Variants in SNTG1 observed in about 807,000 individuals in gnomAD.
SNTG1 encodes the protein syntrophin gamma 1, also known as gamma-1-syntrophin.
Under a neutral mutation model 74.7 loss-of-function variants are expected in SNTG1, and 39 were observed. The ratio of observed to expected loss-of-function variants is 0.52; its 90% CI spans 0.40 to 0.68. The LOEUF is 0.68. SNTG1 is among the 30% of genes least tolerant of loss of function. SNTG1 has a pLI of 0.00. For missense variants in SNTG1, 685 were observed against 609.5 expected (o/e 1.12, Z -1.30); for synonymous variants, 254 against 217.1 (o/e 1.17, Z -1.49).
chr8:50,514,069 T>C (rs2094110654), intron 9 of SNTG1, among the ~76,000 whole-genome samples: 1 of 152,226 alleles, frequency 6.6e-6, no homozygotes, highest in Admixed American at 6.5e-5. Context: ...CCTGCAATAT[T>C]TCACTTTTAA....
Position 50,536,713 on chromosome 8 carries a change from A to T in SNTG1, c.585A>T (p.Pro195=). 1 of 1,613,948 alleles carries T rather than the reference A, an allele frequency of 6.2e-7. No individual in the cohort carries two copies. The highest frequency in any genetic ancestry group is 1.7e-5 in the Admixed American group (1 of 59,994). ...TLSCSSWPTS[P]GLRWEKRWCD... is the part of the protein sequence containing the mutation. ...CATGCTCGTCGTGGCCGACGTCTCC[A>T]GGCTTGAGGTGGGAGAAGCGATGGT... The change falls in exon 11 of 19, where the codon CCA becomes CCT. Residue 195 remains proline (P), a synonymous_variant. Transcript: ENST00000642720.
intron 1 of SNTG1, among the ~76,000 whole-genome samples, chr8:50,005,780 G>C (rs1391257830): frequency 6.6e-6 from 1 of 151,664 alleles, no homozygotes; most frequent in African/African-American, 2.4e-5. Flanking sequence ...ACTGTAAAAG[G>C]TCCCCTAGGC....
At chr8:50,506,020 T>C (rs1299343315) in intron 9 of SNTG1, among the ~76,000 whole-genome samples, 1 of 152,078 alleles carries the variant, frequency 6.6e-6, no homozygotes, top group East Asian at 1.9e-4. Flanking sequence ...GTTGAGTCAA[T>C]TTTTATACAT....
chr8:50,653,057 T>G (rs1004548213), intron 13 of SNTG1, among the ~76,000 whole-genome samples: 31 of 152,030 alleles, frequency 2.0e-4, no homozygotes, highest in Admixed American at 3.9e-4. Context: ...CTTTTATGTC[T>G]TAGATAAACC....
intron 2 of SNTG1, among the ~76,000 whole-genome samples, chr8:50,330,105 C>T (rs2090905759): frequency 1.3e-5 from 2 of 152,072 alleles, no homozygotes; most frequent in Admixed American, 1.3e-4. Flanking sequence ...TCCCATAATC[C>T]CCAAATGTGG....
At chr8:50,071,834 G>T (rs889016817) in intron 1 of SNTG1, among the ~76,000 whole-genome samples, 1 of 148,448 alleles carries the variant, frequency 6.7e-6, no homozygotes, top group Non-Finnish European at 1.5e-5. Context: ...AAAAACCTAA[G>T]ATTAATTATG....
chr8:50,292,778 T>A (rs983362852), intron 2 of SNTG1, among the ~76,000 whole-genome samples: 8 of 152,170 alleles, frequency 5.3e-5, no homozygotes, highest in African/African-American at 1.9e-4. Flanking sequence ...AGAACTGGGA[T>A]GTATATTTTA....
At chr8:50,660,313 CAGTA>C (rs1341552384) in intron 15 of SNTG1, among the ~76,000 whole-genome samples, 2 of 111,556 alleles carry the variant, frequency 1.8e-5, no homozygotes, top group East Asian at 2.5e-4. Context: ...GAAAGAGAGA[CAGTA>C]AGAAGGAAAG....
intron 12 of SNTG1, among the ~76,000 whole-genome samples, chr8:50,557,811 A>G (rs1288898394): frequency 6.6e-6 from 1 of 152,180 alleles, no homozygotes; most frequent in Non-Finnish European, 1.5e-5. Context: ...GAACAACATG[A>G]TTAGATTTAG....
chr8:50,208,653 G>C (rs2084362246), intron 2 of SNTG1, among the ~76,000 whole-genome samples: 1 of 152,162 alleles, frequency 6.6e-6, no homozygotes, highest in Admixed American at 6.5e-5. Context: ...TTTCTTCCTA[G>C]CCTTGATGGT....
intron 1 of SNTG1, among the ~76,000 whole-genome samples, chr8:50,155,352 A>G (rs1586514742): frequency 1.3e-5 from 2 of 152,290 alleles, no homozygotes; most frequent in South Asian, 2.1e-4. Context: ...CTGGTAGTAG[A>G]ACAATTTGAT....
chr8:50,508,815 TA>T (rs2094035109), intron 9 of SNTG1, among the ~76,000 whole-genome samples: 1 of 152,206 alleles, frequency 6.6e-6, no homozygotes. Flanking sequence ...AGATTCTGGA[TA>T]TTAGCCCTTT....
rs560877422 is a variant in SNTG1, at chr8:50,372,216, C to G, written c.-27-21996C>G. Among the ~76,000 whole-genome samples, 657 of 149,060 alleles carry G rather than the reference C, an allele frequency of 4.4e-3. 5 individuals carry two copies. The highest frequency in any genetic ancestry group is 7.9e-3 in the Non-Finnish European group (530 of 66,964). The stretch of plus-strand genomic sequence containing the variant: ...TCATTTGTGTTTCATTGATCTTTCT[C>G]TGTGTGTGTGTGTGTGTGGTGGCAT... On this transcript the variant is annotated intron_variant, in intron 2 of 18. Coordinates refer to ENST00000642720, the MANE Select transcript of SNTG1 (RefSeq NM_018967.5).
intron 1 of SNTG1, among the ~76,000 whole-genome samples, chr8:49,991,813 T>C (rs1373588615): frequency 2.0e-5 from 3 of 152,072 alleles, no homozygotes; most frequent in Non-Finnish European, 4.4e-5. Flanking sequence ...TAGAGAAGAA[T>C]GGGGTGTGAA....
intron 14 of SNTG1, among the ~76,000 whole-genome samples, chr8:50,657,529 C>A (rs139079065): frequency 9.2e-5 from 14 of 152,062 alleles, no homozygotes; most frequent in Non-Finnish European, 1.9e-4. Flanking sequence ...TTATTATTAG[C>A]AAAGAATAAT....
At chr8:50,306,309 G>T (rs2089895091) in intron 2 of SNTG1, among the ~76,000 whole-genome samples, 1 of 151,842 alleles carries the variant, frequency 6.6e-6, no homozygotes, top group South Asian at 2.1e-4. Context: ...ATGGACACTG[G>T]GGTTGGTTCT....
chr8:50,738,115 A>T (rs890350901), intron 17 of SNTG1, among the ~76,000 whole-genome samples: 1 of 152,150 alleles, frequency 6.6e-6, no homozygotes, highest in Non-Finnish European at 1.5e-5. Flanking sequence ...GAGGAAGTCA[A>T]ATTGTCTCTC....
At chr8:50,389,131 T>C (rs1389183446) in intron 2 of SNTG1, among the ~76,000 whole-genome samples, 2 of 152,178 alleles carry the variant, frequency 1.3e-5, no homozygotes, top group Non-Finnish European at 2.9e-5. Flanking sequence ...GTAGAGAAAC[T>C]AGCATATGGT....
intron 9 of SNTG1, among the ~76,000 whole-genome samples, chr8:50,520,765 G>A (rs962872134): frequency 6.6e-6 from 1 of 152,112 alleles, no homozygotes; most frequent in Non-Finnish European, 1.5e-5. Flanking sequence ...TAAGAAGTCA[G>A]GAAACAACAG....
Sources: gnomAD v4.1 joint callset for allele counts (sites outside exome capture counted in the v4.1 genomes callset) on GRCh38, gnomAD v4.1.1 for gene constraint, MANE v1.5 for transcripts, NCBI Gene and HGNC (gene_info 2026-07-23, HGNC 2026-07-21) for gene names.